The following LRRTM4 variants were observed in gnomAD, a reference collection of about 807,000 sequenced individuals.
LRRTM4 encodes leucine rich repeat transmembrane neuronal 4.
A neutral mutation model predicts 47.6 loss-of-function variants in LRRTM4; 25 were observed. That is an observed-to-expected ratio of 0.53 (90% CI 0.38 to 0.73). LRRTM4 has a LOEUF of 0.73. LRRTM4 is among the 30% of genes least tolerant of loss of function. The pLI is 0.00. For missense variants in LRRTM4, 638 were observed against 713.4 expected (o/e 0.89, Z 1.20); for synonymous variants, 311 against 269.5 (o/e 1.15, Z -1.51).
chr2:77,487,731 G>T (rs570936100), intron 3 of LRRTM4, among the ~76,000 whole-genome samples: 1 of 152,152 alleles, frequency 6.6e-6, no homozygotes, highest in Non-Finnish European at 1.5e-5. Flanking sequence ...CAGTTCCCCG[G>T]AAATGGAGTG....
At chr2:77,378,498 GA>G (rs1278678219) in intron 3 of LRRTM4, among the ~76,000 whole-genome samples, 2 of 152,048 alleles carry the variant, frequency 1.3e-5, no homozygotes, top group Non-Finnish European at 2.9e-5. Flanking sequence ...TGAGAGCACT[GA>G]AAACACATTA....
intron 3 of LRRTM4, among the ~76,000 whole-genome samples, chr2:76,792,684 T>C (rs183243802): frequency 3.3e-4 from 50 of 151,202 alleles, no homozygotes; most frequent in South Asian, 2.1e-3. Context: ...GAAGACCCTC[T>C]TATAGACTTG....
intron 3 of LRRTM4, among the ~76,000 whole-genome samples, chr2:76,777,317 G>C (rs1170263383): frequency 3.5e-5 from 5 of 142,902 alleles, no homozygotes; most frequent in Non-Finnish European, 7.7e-5. Context: ...TAGCTTGATG[G>C]GGATGGCATT....
Position 77,189,960 on chromosome 2 carries a change from T to C in LRRTM4, c.1551+328358A>G, listed in dbSNP as rs914016223. 1.6e-4 allele frequency among the ~76,000 whole-genome samples: 24 copies of C among 152,256 alleles called. No homozygotes were observed. In the South Asian group the frequency reaches 3.1e-3, roughly 20 times the overall value. ...TGAATCAAGGGAGGCAACAAATGTATTTTGAGTTTCAGAGAAATAGTTAAA... is the reference window on the plus strand; with the variant it reads ...TGAATCAAGGGAGGCAACAAATGTACTTTGAGTTTCAGAGAAATAGTTAAA... On this transcript the variant is annotated intron_variant, in intron 3 of 3. Transcript: ENST00000409884.
chr2:77,276,527 GAT>G (rs1676360236), intron 3 of LRRTM4, among the ~76,000 whole-genome samples: 1 of 149,876 alleles, frequency 6.7e-6, no homozygotes, highest in African/African-American at 2.5e-5. Context: ...TGTGTATATA[GAT>G]ATAGGCTTTG....
At chr2:76,930,660 C>T (rs1337193275) in intron 3 of LRRTM4, among the ~76,000 whole-genome samples, 1 of 152,074 alleles carries the variant, frequency 6.6e-6, no homozygotes, top group Non-Finnish European at 1.5e-5. Context: ...CTTCAGCATG[C>T]TGTAGTGGAA....
At chr2:76,873,468 G>A (rs533982815) in intron 3 of LRRTM4, among the ~76,000 whole-genome samples, 2,060 of 141,402 alleles carry the variant, frequency 0.015, 55 homozygotes, top group African/African-American at 0.054. Flanking sequence ...TAACGTGTGT[G>A]TGTGTATATA....
At chr2:77,377,663 C>T (rs1672888104) in intron 3 of LRRTM4, among the ~76,000 whole-genome samples, 1 of 151,960 alleles carries the variant, frequency 6.6e-6, no homozygotes, top group African/African-American at 2.4e-5. Flanking sequence ...TATCTACAAA[C>T]AGCTAAAAAC....
intron 3 of LRRTM4, among the ~76,000 whole-genome samples, chr2:77,372,103 A>T (rs924102137): frequency 4.6e-5 from 7 of 151,734 alleles, no homozygotes; most frequent in Non-Finnish European, 1.0e-4. Flanking sequence ...CTAAAGCTTT[A>T]AAAAAATATG....
chr2:77,351,844 A>G (rs1276348362), intron 3 of LRRTM4, among the ~76,000 whole-genome samples: 1 of 151,962 alleles, frequency 6.6e-6, no homozygotes, highest in African/African-American at 2.4e-5. Flanking sequence ...GTGTGTGTGT[A>G]ATTGTGTTTG....
intron 3 of LRRTM4, among the ~76,000 whole-genome samples, chr2:76,926,004 G>T (rs1674578425): frequency 6.6e-6 from 1 of 152,124 alleles, no homozygotes; most frequent in African/African-American, 2.4e-5. Context: ...AAACCAGGTT[G>T]TTACAAGCCT....
At chr2:77,325,826 T>C (rs1223475159) in intron 3 of LRRTM4, among the ~76,000 whole-genome samples, 1 of 152,194 alleles carries the variant, frequency 6.6e-6, no homozygotes, top group Non-Finnish European at 1.5e-5. Context: ...AAAACCATTA[T>C]GGATCATTTT....
intron 3 of LRRTM4, among the ~76,000 whole-genome samples, chr2:77,268,595 G>C (rs999118287): frequency 6.6e-6 from 1 of 151,940 alleles, no homozygotes; most frequent in Non-Finnish European, 1.5e-5. Context: ...TTACAGATGT[G>C]ATCACATCAA....
chr2:77,333,329 A>T (rs951818435), intron 3 of LRRTM4, among the ~76,000 whole-genome samples: 8 of 152,188 alleles, frequency 5.3e-5, no homozygotes, highest in Non-Finnish European at 1.0e-4. Context: ...GAAAGCTCAG[A>T]AGAAGTCAGA....
At chr2:77,461,588 C>T (rs887201838) in intron 3 of LRRTM4, among the ~76,000 whole-genome samples, 12 of 152,032 alleles carry the variant, frequency 7.9e-5, no homozygotes, top group Middle Eastern at 3.2e-3. Flanking sequence ...TTTTCAATAA[C>T]GACTATTTTT....
At chr2:77,442,565 C>T (rs1373267472) in intron 3 of LRRTM4, among the ~76,000 whole-genome samples, 1 of 152,206 alleles carries the variant, frequency 6.6e-6, no homozygotes, top group Admixed American at 6.5e-5. Context: ...GTGTAGCAAG[C>T]TCTTCTCCTA....
intron 3 of LRRTM4, among the ~76,000 whole-genome samples, chr2:76,884,027 T>G (rs1673002340): frequency 6.6e-6 from 1 of 151,690 alleles, no homozygotes; most frequent in African/African-American, 2.4e-5. Context: ...GCTATGTTGT[T>G]CAGGCTGGTC....
chr2:76,953,474 G>A (rs1260129878), intron 3 of LRRTM4, among the ~76,000 whole-genome samples: 3 of 151,832 alleles, frequency 2.0e-5, no homozygotes, highest in Non-Finnish European at 4.4e-5. Flanking sequence ...GAAAACACAC[G>A]CGCACACACA....
At chr2:77,034,476 C>T (rs994589798) in intron 3 of LRRTM4, among the ~76,000 whole-genome samples, 2 of 151,914 alleles carry the variant, frequency 1.3e-5, no homozygotes, top group African/African-American at 4.8e-5. Context: ...AACATGATGC[C>T]TTTCAAGCTT....
Sources: gnomAD v4.1 joint callset for allele counts (sites outside exome capture counted in the v4.1 genomes callset) on GRCh38, gnomAD v4.1.1 for gene constraint, MANE v1.5 for transcripts, NCBI Gene and HGNC (gene_info 2026-07-23, HGNC 2026-07-21) for gene names.